The following ENTREP2 variants were observed in gnomAD, a reference collection of about 807,000 sequenced individuals.
ENTREP2 encodes endosomal transmembrane epsin interactor 2.
At chr15:29,177,877 G>C in the ENTREP2 span, among the ~76,000 whole-genome samples, 132 of 145,446 alleles carry the variant, frequency 9.1e-4, 1 homozygote, top group African/African-American at 3.2e-3. Flanking sequence ...GAGCTTAGTG[G>C]AAGAGGGTGG....
chr15:29,198,832 TC>T, the ENTREP2 span, among the ~76,000 whole-genome samples: 3 of 152,262 alleles, frequency 2.0e-5, no homozygotes, highest in Admixed American at 6.5e-5. Context: ...CACCTGGTTT[TC>T]TAACTTGATA....
the ENTREP2 span, among the ~76,000 whole-genome samples, chr15:29,559,094 G>A: frequency 9.2e-5 from 14 of 152,214 alleles, no homozygotes; most frequent in South Asian, 1.2e-3. Context: ...AGGACAAGAC[G>A]TAGTACCCAT....
the ENTREP2 span, among the ~76,000 whole-genome samples, chr15:29,644,842 GAAAAGA>G: frequency 6.7e-6 from 1 of 148,956 alleles, no homozygotes; most frequent in African/African-American, 2.5e-5. Flanking sequence ...AAAAAAGAAA[GAAAAGA>G]AAAAGAAAAG....
the ENTREP2 span, among the ~76,000 whole-genome samples, chr15:29,639,379 C>T: frequency 2.6e-5 from 4 of 151,960 alleles, no homozygotes; most frequent in Non-Finnish European, 5.9e-5. Context: ...AAAGTTCTGC[C>T]GAAAGTTTGT....
chr15:29,361,583 T>C, the ENTREP2 span, among the ~76,000 whole-genome samples: 1 of 152,170 alleles, frequency 6.6e-6, no homozygotes, highest in Middle Eastern at 3.2e-3. Flanking sequence ...CTAAATACCA[T>C]ATCTTAACCT....
the ENTREP2 span, among the ~76,000 whole-genome samples, chr15:29,154,621 G>T: frequency 1.3e-5 from 2 of 152,166 alleles, no homozygotes; most frequent in African/African-American, 2.4e-5. Flanking sequence ...CTAATCAAGG[G>T]GTTGGCAAGT....
At chr15:29,247,609 G>A in the ENTREP2 span, among the ~76,000 whole-genome samples, 22 of 152,156 alleles carry the variant, frequency 1.4e-4, no homozygotes, top group Non-Finnish European at 2.8e-4. Flanking sequence ...ATCTGTGTGC[G>A]CATGTGTGCA....
chr15:29,343,003 A>G, the ENTREP2 span, among the ~76,000 whole-genome samples: 1 of 134,486 alleles, frequency 7.4e-6, no homozygotes, highest in Non-Finnish European at 1.6e-5. Context: ...TGCAAAGAAT[A>G]CTATATGAGC....
At chr15:29,435,268 C>T in the ENTREP2 span, among the ~76,000 whole-genome samples, 1 of 152,122 alleles carries the variant, frequency 6.6e-6, no homozygotes, top group Non-Finnish European at 1.5e-5. Context: ...CTGTGCTCCC[C>T]ACTGGCTCCG....
the ENTREP2 span, among the ~76,000 whole-genome samples, chr15:29,665,683 G>A: frequency 6.6e-6 from 1 of 152,084 alleles, no homozygotes; most frequent in Non-Finnish European, 1.5e-5. Flanking sequence ...GGCAGCACAG[G>A]GGAAAGCAGG....
the ENTREP2 span, among the ~76,000 whole-genome samples, chr15:29,400,225 G>GA: frequency 3.6e-3 from 543 of 152,256 alleles, 2 homozygotes; most frequent in African/African-American, 0.013. Context: ...TTAAACTATA[G>GA]ACAAACAGCT....
the ENTREP2 span, among the ~76,000 whole-genome samples, chr15:29,228,499 T>C: frequency 1.3e-5 from 2 of 152,184 alleles, no homozygotes; most frequent in Non-Finnish European, 2.9e-5. Flanking sequence ...TTAGGGATGA[T>C]GAAAAAGTTC....
the ENTREP2 span, among the ~76,000 whole-genome samples, chr15:29,423,087 C>T: frequency 4.5e-4 from 69 of 152,274 alleles, no homozygotes; most frequent in Admixed American, 2.6e-3. Context: ...CATGCAGAGT[C>T]ACGGTGCACA....
chr15:29,626,568 A>T, the ENTREP2 span, among the ~76,000 whole-genome samples: 1 of 152,224 alleles, frequency 6.6e-6, no homozygotes, highest in African/African-American at 2.4e-5. Flanking sequence ...GCAGCAGGAG[A>T]ACAGACTAAT....
chr15:29,602,684 T>C, the ENTREP2 span, among the ~76,000 whole-genome samples: 3 of 152,190 alleles, frequency 2.0e-5, no homozygotes, highest in African/African-American at 4.8e-5. Context: ...ATTACAGGCA[T>C]GCACCAACAT....
At chr15:29,238,010 T>A in the ENTREP2 span, among the ~76,000 whole-genome samples, 1 of 152,220 alleles carries the variant, frequency 6.6e-6, no homozygotes, top group Non-Finnish European at 1.5e-5. Context: ...TATGGAATAT[T>A]ATTCAGACAT....
chr15:29,132,395 G>A, the ENTREP2 span, among the ~76,000 whole-genome samples: 1 of 152,172 alleles, frequency 6.6e-6, no homozygotes, highest in Non-Finnish European at 1.5e-5. Context: ...AAGACAGTGG[G>A]CCCGAGGGCT....
the ENTREP2 span, among the ~76,000 whole-genome samples, chr15:29,641,221 T>A: frequency 2.0e-5 from 3 of 152,198 alleles, no homozygotes; most frequent in African/African-American, 7.2e-5. Flanking sequence ...ATATCATACT[T>A]AGTAGAGAGA....
At chr15:29,609,218 G>A in the ENTREP2 span, among the ~76,000 whole-genome samples, 6 of 149,994 alleles carry the variant, frequency 4.0e-5, no homozygotes, top group African/African-American at 7.3e-5. Context: ...TGAAAACTTG[G>A]ACCCCTTTGC....
Sources: allele counts gnomAD v4.1 joint callset (sites outside exome capture counted in the v4.1 genomes callset), GRCh38; gene constraint gnomAD v4.1.1; transcripts MANE v1.5; gene names NCBI Gene and HGNC (gene_info 2026-07-23, HGNC 2026-07-21).